The following SRGAP2B variants were observed in gnomAD, a reference collection of about 807,000 sequenced individuals.
SRGAP2B encodes SLIT-ROBO Rho GTPase activating protein 2B.
Under a neutral mutation model 22.2 loss-of-function variants are expected in SRGAP2B, and 9 were observed. The observed-to-expected ratio is 0.41, with a 90% CI of 0.24 to 0.71. The LOEUF is 0.71. SRGAP2B is among the 30% of genes least tolerant of loss of function. The pLI, the probability that SRGAP2B is intolerant of heterozygous loss-of-function variation, is 0.35. For missense variants in SRGAP2B, 114 were observed against 235.8 expected (o/e 0.48, Z 3.38); for synonymous variants, 36 against 87.4 (o/e 0.41, Z 3.28).
chr1:144,981,228 A>T (rs1333843237), intron 3 of SRGAP2B, among the ~76,000 whole-genome samples: 1 of 119,004 alleles, frequency 8.4e-6, no homozygotes, highest in African/African-American at 3.5e-5. Flanking sequence ...AAATCCCAAG[A>T]ACACATTGCC....
In SRGAP2B at chr1:145,093,897, CT is replaced by C. The variant is rs1553636586; in HGVS notation, c.-542-455del. ...CACAACTTTTCTTCCTCTCCCGCCC[CT>C]CCTCCCAGTTGTTTTGTTTTTGGTT... On this transcript the variant is annotated intron_variant, in intron 1 of 9. Transcript: ENST00000612199. 4.7e-5 allele frequency among the ~76,000 whole-genome samples: 7 copies of C among 147,476 alleles called. 1 individual carries two copies. The highest frequency in any genetic ancestry group is 1.8e-4 in the African/African-American group (7 of 38,328).
intron 2 of SRGAP2B, among the ~76,000 whole-genome samples, chr1:145,080,911 A>G (rs10217823): frequency 7.4e-5 from 11 of 149,422 alleles, no homozygotes; most frequent in East Asian, 5.8e-4. Context: ...GAAGGACCTT[A>G]GAAAGTTTCT....
At chr1:144,940,562 G>T (rs1665950728) in intron 4 of SRGAP2B, among the ~76,000 whole-genome samples, 2 of 142,900 alleles carry the variant, frequency 1.4e-5, no homozygotes, top group Admixed American at 6.9e-5. Context: ...ACTTTGGGAG[G>T]CCAAGGCAGG....
chr1:145,022,968 C>T lies in SRGAP2B; in HGVS notation c.68-27768G>A, dbSNP rs1391504026. 2.7e-5 allele frequency among the ~76,000 whole-genome samples: 4 copies of T among 149,514 alleles called. No homozygotes were observed. In the East Asian group the frequency reaches 7.8e-4, roughly 29 times the overall value. ...GATCACGAGGTCAAGAGATCGAGAC[C>T]ATCCTGGCAAATGTGGTGAAGCCCC... On this transcript the variant is annotated intron_variant, in intron 2 of 9. Transcript: ENST00000612199.
At chr1:144,965,927 G>A (rs1297000678) in intron 3 of SRGAP2B, among the ~76,000 whole-genome samples, 3 of 149,552 alleles carry the variant, frequency 2.0e-5, no homozygotes, top group Non-Finnish European at 2.9e-5. Context: ...AAGCGAGAAG[G>A]GAAGTTTAGA....
rs1394980508 is a variant in SRGAP2B, at chr1:145,009,692, A to AT, written c.68-14493dup. The stretch of plus-strand genomic sequence containing the variant: ...AGTCTCTCTACTGTATATATTTGAA[A>AT]TTTTTTATAATAAAAAGTTTTTAAA... On this transcript the variant is annotated intron_variant, in intron 2 of 9. Transcript: ENST00000612199. Among the ~76,000 whole-genome samples the AT allele has an allele frequency of 6.4e-4, 93 of 145,596 alleles. 3 individuals are homozygous for AT. Among genetic ancestry groups the AT allele is most frequent in the African/African-American group, 2.3e-3 (88 of 38,044 alleles).
intron 7 of SRGAP2B, among the ~76,000 whole-genome samples, chr1:144,902,723 C>T (rs1269086798): frequency 2.1e-5 from 3 of 143,906 alleles, no homozygotes; most frequent in African/African-American, 7.8e-5. Context: ...GATCGCACCA[C>T]CGTACTCCAG....
At chr1:144,984,353 C>A (rs1233189638) in intron 3 of SRGAP2B, among the ~76,000 whole-genome samples, 1 of 126,794 alleles carries the variant, frequency 7.9e-6, no homozygotes, top group African/African-American at 2.9e-5. Context: ...ACAACAACAA[C>A]AACAACAACA....
Position 144,960,584 on chromosome 1 carries a change from A to G in SRGAP2B, c.261-4983T>C, listed in dbSNP as rs1318484030. 2.0e-5 allele frequency among the ~76,000 whole-genome samples: 3 copies of G among 150,596 alleles called. 1 individual carries two copies. The highest frequency in any genetic ancestry group is 7.5e-5 in the African/African-American group (3 of 40,144). ...ATATCCATGGTGAAGAGCCAAGTCT[A>G]TAAAGGTCCAAGTTGGCCTCTCTAT... On this transcript the variant is annotated intron_variant, in intron 3 of 9. Coordinates refer to ENST00000612199, the Ensembl canonical transcript of SRGAP2B.
intron 6 of SRGAP2B, among the ~76,000 whole-genome samples, chr1:144,905,610 T>C (rs1662929476): frequency 1.3e-5 from 2 of 149,400 alleles, no homozygotes; most frequent in East Asian, 3.9e-4. Flanking sequence ...GGAAAATGGA[T>C]TGGGAAAGGT....
chr1:144,951,069 A>C (rs1388672451), intron 4 of SRGAP2B, among the ~76,000 whole-genome samples: 1 of 150,754 alleles, frequency 6.6e-6, no homozygotes, highest in Non-Finnish European at 1.5e-5. Flanking sequence ...GCTGGTCTTG[A>C]ACTCCTGACC....
rs1245328985 is a variant in SRGAP2B, at chr1:144,966,783, A to G, written c.261-11182T>C. ...GAGACACACATAGGCTGAAAATAAA[A>G]GGATGGAGGAAGATCTACCAAGCAA... On this transcript the variant is annotated intron_variant, in intron 3 of 9. Coordinates refer to ENST00000612199, the Ensembl canonical transcript of SRGAP2B. Among the ~76,000 whole-genome samples the G allele has an allele frequency of 2.0e-5, 3 of 148,914 alleles. 1 individual carries two copies. Among genetic ancestry groups the G allele is most frequent in the African/African-American group, 7.8e-5 (3 of 38,440 alleles).
chr1:144,944,250 G>A (rs1352104180), intron 4 of SRGAP2B, among the ~76,000 whole-genome samples: 3 of 150,196 alleles, frequency 2.0e-5, no homozygotes, highest in African/African-American at 5.0e-5. Context: ...AAGTCAAGAG[G>A]AAAATCAATA....
intron 2 of SRGAP2B, among the ~76,000 whole-genome samples, chr1:145,061,573 A>G (rs1650908090): frequency 6.7e-6 from 1 of 149,712 alleles, no homozygotes; most frequent in Admixed American, 6.6e-5. Context: ...AGATTTGTGA[A>G]TATGTGTACA....
intron 4 of SRGAP2B, among the ~76,000 whole-genome samples, chr1:144,950,838 T>C (rs587604472): frequency 1.3e-5 from 2 of 150,832 alleles, no homozygotes; most frequent in East Asian, 1.9e-4. Flanking sequence ...TCGTTTTTCT[T>C]AATCTCTCTC....
intron 4 of SRGAP2B, among the ~76,000 whole-genome samples, chr1:144,944,173 A>C (rs1381002293): frequency 6.6e-6 from 1 of 150,618 alleles, no homozygotes; most frequent in South Asian, 2.1e-4. Context: ...AAGTACATCT[A>C]GAGTTTCTAT....
chr1:144,907,912 A>T (rs1663107862), intron 5 of SRGAP2B, among the ~76,000 whole-genome samples: 1 of 147,332 alleles, frequency 6.8e-6, no homozygotes, highest in Non-Finnish European at 1.5e-5. Flanking sequence ...AATGTTTTAA[A>T]TCAGTTTCAC....
intron 4 of SRGAP2B, among the ~76,000 whole-genome samples, chr1:144,921,051 A>G (rs1398068213): frequency 6.7e-6 from 1 of 148,976 alleles, no homozygotes; most frequent in Non-Finnish European, 1.5e-5. Flanking sequence ...TGCAAAACAG[A>G]AAGTTTAAAA....
At chr1:145,026,640 A>G (rs1193105139) in intron 2 of SRGAP2B, among the ~76,000 whole-genome samples, 1 of 151,340 alleles carries the variant, frequency 6.6e-6, no homozygotes, top group African/African-American at 2.4e-5. Flanking sequence ...GTCACTGCCA[A>G]GCAGACAGGA....
Sources: allele counts gnomAD v4.1 joint callset (sites outside exome capture counted in the v4.1 genomes callset), GRCh38; gene constraint gnomAD v4.1.1; transcripts MANE v1.5; gene names NCBI Gene and HGNC (gene_info 2026-07-23, HGNC 2026-07-21).